The following APTX variants were observed in gnomAD, a reference collection of about 807,000 sequenced individuals.
APTX encodes forkhead-associated domain histidine triad-like protein.
Under a neutral mutation model 42.3 loss-of-function variants are expected in APTX, and 33 were observed. The observed-to-expected ratio is 0.78, with a 90% CI of 0.59 to 1.04. APTX has a LOEUF of 1.04. Ranked by LOEUF, APTX falls within the 50% of genes least tolerant of loss-of-function variation. APTX has a pLI of 0.00. For synonymous variants in APTX, 130 were observed against 146.7 expected (o/e 0.89, Z 0.82); for missense variants, 421 against 415.1 (o/e 1.01, Z -0.12).
chr9:33,001,655 A>G (rs745944374), upstream of APTX: 3 of 1,610,170 alleles, frequency 1.9e-6, no homozygotes, highest in East Asian at 2.2e-5. Flanking sequence ...GGCCGGCTGT[A>G]TCGCGACCAG....
chr9:32,984,504 G>A, intron 6 of APTX, 127 bp downstream of exon 6: 3 of 947,830 alleles, frequency 3.2e-6, no homozygotes, highest in Non-Finnish European at 3.3e-6. Flanking sequence ...CAGCCCACCT[G>A]CTTTGGAAAA....
intron 1 of APTX, among the ~76,000 whole-genome samples, chr9:33,015,411 G>A (rs991813362): frequency 3.9e-5 from 6 of 152,140 alleles, no homozygotes; most frequent in East Asian, 1.9e-4. Context: ...CCAGGCTGGA[G>A]TGCAATGGCG....
At chr9:32,984,549 T>C (rs930459916) in intron 6 of APTX, 82 bp downstream of exon 6, 8 of 1,401,254 alleles carry the variant, frequency 5.7e-6, no homozygotes, top group African/African-American at 1.4e-5. Context: ...CAGTGCAATA[T>C]GTGCCCTCAG....
intron 1 of APTX, among the ~76,000 whole-genome samples, chr9:33,022,773 CACAT>C (rs150008934): frequency 1.0e-3 from 159 of 152,260 alleles, no homozygotes; most frequent in African/African-American, 3.7e-3. Flanking sequence ...AAACGAAGAC[CACAT>C]ACAAAGTTAT....
upstream of APTX, among the ~76,000 whole-genome samples, chr9:33,005,896 T>A (rs1837101462): frequency 6.6e-6 from 1 of 152,242 alleles, no homozygotes; most frequent in Non-Finnish European, 1.5e-5. Flanking sequence ...TATGCAAGGA[T>A]TTACTTCTGG....
intron 1 of APTX, among the ~76,000 whole-genome samples, chr9:33,022,853 T>C (rs375027554): frequency 1.1e-4 from 17 of 152,350 alleles, no homozygotes; most frequent in African/African-American, 4.1e-4. Flanking sequence ...TTTGTTAGTT[T>C]CGTTTTTAGA....
chr9:32,998,838 G>A (rs932157428), intron 1 of APTX, among the ~76,000 whole-genome samples: 8 of 150,660 alleles, frequency 5.3e-5, no homozygotes, highest in African/African-American at 1.5e-4. Context: ...AAACATGCAC[G>A]TTCTGCACAT....
At chr9:32,982,636 C>T (rs1830941184) in intron 6 of APTX, among the ~76,000 whole-genome samples, 1 of 152,108 alleles carries the variant, frequency 6.6e-6, no homozygotes, top group Non-Finnish European at 1.5e-5. Context: ...AGCAACTTTG[C>T]TTATTGGCTC....
At chr9:33,020,623 CA>C (rs1002557427) in intron 1 of APTX, among the ~76,000 whole-genome samples, 3 of 152,136 alleles carry the variant, frequency 2.0e-5, no homozygotes, top group African/African-American at 7.2e-5. Context: ...CAGGTCCTCA[CA>C]AAAGAAAGAA....
intron 5 of APTX, among the ~76,000 whole-genome samples, chr9:32,985,107 A>C (rs943516244): frequency 6.6e-6 from 1 of 152,196 alleles, no homozygotes; most frequent in Non-Finnish European, 1.5e-5. Context: ...CAACCACCAC[A>C]CTACACAGAA....
intron 6 of APTX, among the ~76,000 whole-genome samples, chr9:32,982,062 G>C (rs1447254397): frequency 6.6e-6 from 1 of 151,172 alleles, no homozygotes. Context: ...AATGATCAAG[G>C]TTAACATCAT....
chr9:33,016,467 C>T (rs147255488), intron 1 of APTX, among the ~76,000 whole-genome samples: 31 of 152,250 alleles, frequency 2.0e-4, no homozygotes, highest in Non-Finnish European at 3.5e-4. Flanking sequence ...CATATCCTTT[C>T]ACTCTTCGGT....
intron 1 of APTX, among the ~76,000 whole-genome samples, chr9:33,019,393 T>C (rs1838179483): frequency 6.6e-6 from 1 of 152,178 alleles, no homozygotes; most frequent in South Asian, 2.1e-4. Context: ...CTAAATATTC[T>C]AAGAAATTTA....
At chr9:33,019,925 G>A (rs1838234391) in intron 1 of APTX, 2 of 506,436 alleles carry the variant, frequency 3.9e-6, no homozygotes, top group African/African-American at 2.0e-5. Flanking sequence ...TAAGGGGGTC[G>A]GGAAAGGCAC....
At chr9:33,007,159 A>G (rs1399366506) in intron 1 of APTX, among the ~76,000 whole-genome samples, 1 of 152,154 alleles carries the variant, frequency 6.6e-6, no homozygotes, top group Non-Finnish European at 1.5e-5. Flanking sequence ...AGGAAAGAGC[A>G]TGTACAAAGG....
chr9:32,973,260 G>A lies in APTX; in HGVS notation c.*238C>T, dbSNP rs1828472516. 8.1e-6 allele frequency: 5 copies of A among 615,108 alleles called. No homozygotes were observed. The highest frequency in any genetic ancestry group is 1.5e-5 in the Non-Finnish European group (5 of 331,950). The allele number at this position is 615,108 out of a possible 1,614,324, so 38.1% of individuals were successfully genotyped here. ...TGACATGGGTCCTTCTGAAGATGGT[G>A]GGTCAGGTATATCCCAGCCACCCTC... On this transcript the variant is annotated 3_prime_UTR_variant, in exon 8 of 8. Transcript: ENST00000379817.
chr9:32,986,059 A>AAAAAAAAAAAAAC, intron 4 of APTX, 29 bp from the exon 5 acceptor site: 1 of 1,240,058 alleles, frequency 8.1e-7, no homozygotes, highest in Non-Finnish European at 1.1e-6. Flanking sequence ...AAAAAACAAA[A>AAAAAAAAAAAAAC]AAAAAAAAAA....
At chr9:33,023,766 G>T (rs532747142) in intron 1 of APTX, among the ~76,000 whole-genome samples, 1 of 152,218 alleles carries the variant, frequency 6.6e-6, no homozygotes, top group African/African-American at 2.4e-5. Flanking sequence ...TAATGAAAGA[G>T]AAAAGGCTGA....
At chr9:33,019,980 A>G in intron 1 of APTX, 1 of 418,386 alleles carries the variant, frequency 2.4e-6, no homozygotes, top group Non-Finnish European at 4.4e-6. Context: ...CCTTGGCCAC[A>G]GACGCTGCGT....
Sources: gnomAD v4.1 joint callset for allele counts (sites outside exome capture counted in the v4.1 genomes callset) on GRCh38, gnomAD v4.1.1 for gene constraint, MANE v1.5 for transcripts, NCBI Gene and HGNC (gene_info 2026-07-23, HGNC 2026-07-21) for gene names.